The following MRE11 variants were observed in gnomAD, a reference collection of about 807,000 sequenced individuals.
The protein encoded by MRE11 is double-strand break repair protein MRE11.
MRE11 carries 62 observed loss-of-function variants against 91.7 expected under a neutral mutation model. The observed-to-expected ratio is 0.68, with a 90% CI of 0.55 to 0.84. MRE11 has a LOEUF of 0.84. MRE11 is among the 40% of genes least tolerant of loss of function. The pLI is 0.00. For missense variants in MRE11, 796 were observed against 852.9 expected (o/e 0.93, Z 0.83); for synonymous variants, 273 against 271.4 (o/e 1.01, Z -0.06).
intron 9 of MRE11, among the ~76,000 whole-genome samples, chr11:94,470,050 G>C (rs1024939713): frequency 6.6e-6 from 1 of 152,002 alleles, no homozygotes; most frequent in Non-Finnish European, 1.5e-5. Flanking sequence ...TTTCATTTGG[G>C]GTAGCTTTCA....
rs1229831756 is a variant in MRE11 at position 94,446,811 on chromosome 11, A to T, written c.1783+408T>A. On this transcript the variant is annotated intron_variant, in intron 15 of 19. Transcript: ENST00000323929. ...CATATGTGTATTTGTATCTTATGAC[A>T]GTAACAAAAATAATAATTGTATGAT... Among the ~76,000 whole-genome samples the T allele has an allele frequency of 5.3e-5, 8 of 152,342 alleles. No homozygotes were observed. The East Asian group carries it at 1.5e-3, about 29-fold the overall frequency.
chr11:94,423,028 A>C (rs2134749619), intron 19 of MRE11, among the ~76,000 whole-genome samples: 1 of 152,286 alleles, frequency 6.6e-6, no homozygotes, highest in South Asian at 2.1e-4. Context: ...CTATTTTTAA[A>C]AATAATTTTT....
chr11:94,427,303 C>T (rs1945349431), intron 19 of MRE11, among the ~76,000 whole-genome samples: 1 of 152,026 alleles, frequency 6.6e-6, no homozygotes, highest in Non-Finnish European at 1.5e-5. Flanking sequence ...GATATGATCA[C>T]TTCAACAGAC....
Position 94,429,612 on chromosome 11 carries a change from A to G in MRE11, c.2070+299T>C, listed in dbSNP as rs532265585. ...CCTCACTTACAAGTGGGAGCTAAACACTGAGTTCACATGGACATGAAGATG... is the reference window on the plus strand; with the variant it reads ...CCTCACTTACAAGTGGGAGCTAAACGCTGAGTTCACATGGACATGAAGATG... On this transcript the variant is annotated intron_variant, in intron 19 of 19. Coordinates refer to ENST00000323929, the MANE Select transcript of MRE11 (RefSeq NM_005591.4). Among the ~76,000 whole-genome samples, 7 of 152,328 alleles carry G rather than the reference A, an allele frequency of 4.6e-5. 1 individual carries two copies. The highest frequency in any genetic ancestry group is 1.7e-4 in the African/African-American group (7 of 41,566).
intron 13 of MRE11, among the ~76,000 whole-genome samples, chr11:94,457,873 CCTCT>C (rs71305376): frequency 1.4e-5 from 2 of 144,326 alleles, no homozygotes; most frequent in South Asian, 2.3e-4. Context: ...TCTCTCTCTC[CCTCT>C]CTCTCTCTCT....
intron 18 of MRE11, among the ~76,000 whole-genome samples, chr11:94,431,455 T>G (rs998806708): frequency 6.6e-6 from 1 of 152,224 alleles, no homozygotes; most frequent in Non-Finnish European, 1.5e-5. Context: ...CCAAAGCTGA[T>G]TTCTGATGTG....
rs1565211563 is a variant in MRE11, at chr11:94,445,890, T to C, written c.1787A>G (p.Asp596Gly). 6.2e-7 allele frequency: 1 copy of C among 1,612,780 alleles called. No individual in the cohort carries two copies. The highest frequency in any genetic ancestry group is 8.5e-7 in the Non-Finnish European group (1 of 1,178,756). The part of the protein sequence containing the change: ...SRGGSQRGRA[D>G]TGLETSTRSR... ...ACGGGTAGAAGTCTCCAGACCAGTGTCTGCTGTTAGAAAAATGAACAGTCA... is the reference window on the plus strand; with the variant it reads ...ACGGGTAGAAGTCTCCAGACCAGTGCCTGCTGTTAGAAAAATGAACAGTCA... The change falls in exon 16 of 20, where the codon GAC becomes GGC. Residue 596 changes from aspartate to glycine, a missense_variant. Asp to Gly is a moderately conservative substitution (Grantham distance 94). Transcript: ENST00000323929.
upstream of MRE11, chr11:94,496,474 T>G: frequency 2.2e-6 from 1 of 459,854 alleles, no homozygotes; most frequent in Non-Finnish European, 3.8e-6. Context: ...ATTTAGTGTA[T>G]GTAAGGGATA....
chr11:94,479,614 C>A, intron 5 of MRE11, 60 bp downstream of exon 5: 1 of 1,453,638 alleles, frequency 6.9e-7, no homozygotes, highest in Non-Finnish European at 9.6e-7. Flanking sequence ...ATGCTTTCCA[C>A]AGACAAACTA....
intron 16 of MRE11, among the ~76,000 whole-genome samples, chr11:94,440,051 A>G (rs761852315): frequency 3.3e-5 from 5 of 152,244 alleles, no homozygotes; most frequent in Non-Finnish European, 5.9e-5. Flanking sequence ...AGCCAGCAGT[A>G]AAGAGCTGGC....
chr11:94,432,598 G>A (rs1315215675), intron 18 of MRE11, among the ~76,000 whole-genome samples: 2 of 152,168 alleles, frequency 1.3e-5, no homozygotes, highest in African/African-American at 4.8e-5. Flanking sequence ...ACGAGGTCAG[G>A]AGATCCAGAC....
rs1946502375 is a variant in MRE11, at chr11:94,464,250, A to G, written c.1099-11T>C. ...TCCACTATAGTCCACCTGAAAACAC[A>G]GAATAATCTATGAACGCTAGGAAAC... On this transcript the variant is annotated splice_polypyrimidine_tract_variant and intron_variant, in intron 10 of 19. Transcript: ENST00000323929. 1 of 1,613,818 alleles carries G rather than the reference A, an allele frequency of 6.2e-7. No individual in the cohort carries two copies. The highest frequency in any genetic ancestry group is 1.1e-5 in the South Asian group (1 of 91,056).
At chr11:94,482,704 C>A (rs7949265) in intron 4 of MRE11, among the ~76,000 whole-genome samples, 3,021 of 152,126 alleles carry the variant, frequency 0.02, 115 homozygotes, top group African/African-American at 0.07. Context: ...GAGGCCAAGT[C>A]GGGAGGATCA....
intron 11 of MRE11, among the ~76,000 whole-genome samples, chr11:94,463,378 C>T (rs905893370): frequency 3.9e-5 from 6 of 152,136 alleles, no homozygotes; most frequent in African/African-American, 1.4e-4. Context: ...TGTGGTGATT[C>T]CTCAAGGACC....
chr11:94,445,916 A>G (rs755917928), intron 15 of MRE11, 23 bp from the exon 16 acceptor site: 4 of 1,546,828 alleles, frequency 2.6e-6, no homozygotes, highest in Non-Finnish European at 2.7e-6. Flanking sequence ...TGAACAGTCA[A>G]TGTACAAGCC....
intron 19 of MRE11, among the ~76,000 whole-genome samples, chr11:94,426,674 G>T (rs1945327795): frequency 6.6e-6 from 1 of 151,770 alleles, no homozygotes; most frequent in Non-Finnish European, 1.5e-5. Context: ...GATTAACAAA[G>T]GAAAAAGAGA....
chr11:94,459,463 T>C lies in MRE11; in HGVS notation c.1445A>G (p.Gln482Arg). ...AATATGACGTTCTTTAAGAAATCGCTGTGTTTTTTCCAACTGGTATTTCAC... is the reference window on the plus strand; with the variant it reads ...AATATGACGTTCTTTAAGAAATCGCCGTGTTTTTTCCAACTGGTATTTCAC... ...ELVKYQLEKT[Q>R]RFLKERHIDA... Residue 482 changes from glutamine (Q) to arginine (R), a missense_variant, in exon 13 of 20, where the codon CAG (glutamine) becomes CGG (arginine). Coordinates refer to ENST00000323929, the MANE Select transcript of MRE11 (RefSeq NM_005591.4). 1.2e-6 allele frequency: 2 copies of C among 1,614,064 alleles called. No individual in the cohort carries two copies. Among genetic ancestry groups the C allele is most frequent in the East Asian group, 2.2e-5 (1 of 44,866 alleles).
intron 14 of MRE11, among the ~76,000 whole-genome samples, chr11:94,449,646 C>A (rs866974573): frequency 6.6e-6 from 1 of 152,162 alleles, no homozygotes; most frequent in African/African-American, 2.4e-5. Context: ...AGAAATGTGT[C>A]ATCAGGTGAT....
chr11:94,463,427 C>T (rs1243724657), intron 11 of MRE11, among the ~76,000 whole-genome samples: 6 of 152,184 alleles, frequency 3.9e-5, no homozygotes, highest in African/African-American at 1.2e-4. Flanking sequence ...CATCCCATTA[C>T]TGGGTATATA....
Sources: gnomAD v4.1 joint callset for allele counts (sites outside exome capture counted in the v4.1 genomes callset) on GRCh38, gnomAD v4.1.1 for gene constraint, MANE v1.5 for transcripts, NCBI Gene and HGNC (gene_info 2026-07-23, HGNC 2026-07-21) for gene names.